The following PAAF1 variants were observed in gnomAD, a reference collection of about 807,000 sequenced individuals.
PAAF1 encodes the protein proteasomal ATPase associated factor 1.
In PAAF1, 46 loss-of-function variants were observed where a neutral mutation model predicts 52.8. The observed-to-expected ratio is 0.87, with a 90% CI of 0.69 to 1.11. PAAF1 has a LOEUF of 1.11. Ranked by LOEUF, PAAF1 falls within the 50% of genes most tolerant of loss-of-function variation. The probability of loss-of-function intolerance (pLI) is 0.00; values close to 1 mark genes in which losing one functional copy is unlikely to be tolerated. For missense variants in PAAF1, 424 were observed against 477.4 expected (o/e 0.89, Z 1.04); for synonymous variants, 178 against 172.8 (o/e 1.03, Z -0.24).
At chr11:73,907,729 C>T (rs1328994594) in intron 6 of PAAF1, among the ~76,000 whole-genome samples, 1 of 152,176 alleles carries the variant, frequency 6.6e-6, no homozygotes, top group Non-Finnish European at 1.5e-5. Flanking sequence ...TGTTCAGCCC[C>T]ACTGAAACCA....
chr11:73,902,142 A>G (rs899516180), intron 6 of PAAF1, among the ~76,000 whole-genome samples: 3 of 152,102 alleles, frequency 2.0e-5, no homozygotes, highest in African/African-American at 7.2e-5. Context: ...GATTACAGGT[A>G]TGAGCCACTG....
At chr11:73,902,351 G>C (rs1949645596) in intron 6 of PAAF1, among the ~76,000 whole-genome samples, 1 of 152,158 alleles carries the variant, frequency 6.6e-6, no homozygotes, top group South Asian at 2.1e-4. Context: ...ATCACCTCCT[G>C]AAGAACTGAG....
At chr11:73,892,286 G>A (rs946122820) in intron 4 of PAAF1, among the ~76,000 whole-genome samples, 2 of 144,270 alleles carry the variant, frequency 1.4e-5, no homozygotes, top group Non-Finnish European at 3.0e-5. Context: ...TCATGCCACT[G>A]CACTCCAGCC....
Position 73,918,961 on chromosome 11 carries a change from A to C in PAAF1, c.947A>C (p.Gln316Pro). 6.2e-7 allele frequency: 1 copy of C among 1,612,766 alleles called. No individual in the cohort carries two copies. Among genetic ancestry groups the C allele is most frequent in the African/African-American group, 1.3e-5 (1 of 74,972 alleles). Residue 316 changes from glutamine (Q) to proline (P), a missense_variant, in exon 10 of 12, where the codon CAA (glutamine) becomes CCA (proline). Physicochemically the swap from Gln to Pro is moderately conservative, Grantham distance 76. Transcript: ENST00000310571. ...TCTCTGAATCCTAGGGCTCCGGTAC[A>C]AGTCATCCACAGATCAGGAGCACCA... ...LDVRSPRAPVQVIHRSGAPVL... is the reference protein window; with the variant it reads ...LDVRSPRAPVPVIHRSGAPVL...
At chr11:73,889,640 G>A (rs946179191) in intron 3 of PAAF1, among the ~76,000 whole-genome samples, 2 of 152,204 alleles carry the variant, frequency 1.3e-5, no homozygotes, top group African/African-American at 4.8e-5. Flanking sequence ...AAGAAATGAA[G>A]TCTTCTGAGA....
At chr11:73,921,982 C>A in intron 10 of PAAF1, 2 of 849,912 alleles carry the variant, frequency 2.4e-6, no homozygotes, top group South Asian at 2.6e-5. Context: ...GACAGAGATA[C>A]GTATATCAAG....
At chr11:73,910,462 G>A (rs926878575) in intron 7 of PAAF1, among the ~76,000 whole-genome samples, 1 of 151,910 alleles carries the variant, frequency 6.6e-6, no homozygotes, top group Non-Finnish European at 1.5e-5. Context: ...AGATATGTTT[G>A]ACTGGGCTAG....
intron 2 of PAAF1, among the ~76,000 whole-genome samples, chr11:73,881,835 T>C (rs1948917014): frequency 6.6e-6 from 1 of 152,010 alleles, no homozygotes; most frequent in African/African-American, 2.4e-5. Flanking sequence ...GCCTCCCAAG[T>C]AGCTAGGACT....
At chr11:73,896,900 G>A (rs191944225) in intron 4 of PAAF1, among the ~76,000 whole-genome samples, 11,510 of 146,154 alleles carry the variant, frequency 0.079, 597 homozygotes, top group African/African-American at 0.16. Context: ...CTCACCTCCC[G>A]GACGGGGCGG....
rs1949565509 is a variant in PAAF1 at position 73,900,425 on chromosome 11, G to A, written c.532+5G>A. On this transcript the variant is annotated splice_donor_5th_base_variant and intron_variant, in intron 6 of 11. Coordinates refer to ENST00000310571, the MANE Select transcript of PAAF1 (RefSeq NM_025155.3). ...CCTTCAAAGGTCACAAAGGAGGTAT[G>A]AAGTGTGCTTTCTCCAAAAGGCTTC... 2 of 1,581,798 alleles carry A rather than the reference G, an allele frequency of 1.3e-6. No individual in the cohort carries two copies. Among genetic ancestry groups the A allele is most frequent in the Non-Finnish European group, 1.7e-6 (2 of 1,159,800 alleles).
chr11:73,907,713 ACCT>A (rs1949801042), intron 6 of PAAF1, among the ~76,000 whole-genome samples: 1 of 151,896 alleles, frequency 6.6e-6, no homozygotes, highest in African/African-American at 2.4e-5. Context: ...GTAGATGATC[ACCT>A]CCTGTTCAGC....
In PAAF1 at chr11:73,927,860, T is replaced by A. The variant is rs577896229; in HGVS notation, c.*498T>A. ...GCCTGCTTGGCAGTAGCAATAAATG[T>A]CCTGTAAGCTGCCACCTGGGAGAGA... On this transcript the variant is annotated 3_prime_UTR_variant, in exon 12 of 12. Coordinates refer to ENST00000310571, the MANE Select transcript of PAAF1 (RefSeq NM_025155.3). 6.4e-6 allele frequency: 1 copy of A among 155,502 alleles called. No individual in the cohort carries two copies. Among genetic ancestry groups the A allele is most frequent in the East Asian group, 1.9e-4 (1 of 5,254 alleles). The allele number at this position is 155,502 out of a possible 1,614,324, so 9.6% of individuals were successfully genotyped here.
intron 7 of PAAF1, among the ~76,000 whole-genome samples, chr11:73,913,332 C>T (rs968849914): frequency 6.6e-6 from 1 of 152,150 alleles, no homozygotes; most frequent in African/African-American, 2.4e-5. Flanking sequence ...TGGTAGCTCA[C>T]GCCCATAATC....
chr11:73,891,221 G>A lies in PAAF1; in HGVS notation c.282+20G>A. The stretch of plus-strand genomic sequence containing the variant: ...AAGAGTGTAAGTATTTTGATAAAAT[G>A]AAGAGAAAATGTAATAGCATGTTAA... On this transcript the variant is annotated intron_variant, in intron 4 of 11. Coordinates refer to ENST00000310571, the MANE Select transcript of PAAF1 (RefSeq NM_025155.3). The A allele has an allele frequency of 7.1e-7, 1 of 1,404,372 alleles. No homozygotes were observed. Among genetic ancestry groups the A allele is most frequent in the Non-Finnish European group, 1.0e-6 (1 of 1,002,378 alleles). 87.0% of individuals were successfully genotyped at this position (1,404,372 alleles called of 1,614,324 possible). A position where few individuals can be genotyped will look rare whatever the true frequency, so the allele number is the denominator to read the frequency against.
chr11:73,878,866 T>G (rs1268354587), intron 2 of PAAF1, 47 bp downstream of exon 2: 1 of 1,552,968 alleles, frequency 6.4e-7, no homozygotes, highest in African/African-American at 1.4e-5. Context: ...GGAGAAGGAT[T>G]AATACCCTTA....
At chr11:73,882,817 A>G (rs553833151) in intron 2 of PAAF1, among the ~76,000 whole-genome samples, 1 of 152,010 alleles carries the variant, frequency 6.6e-6, no homozygotes, top group South Asian at 2.1e-4. Context: ...GTTAAGCAGG[A>G]TGGTCTCGAA....
At chr11:73,889,579 C>T (rs980838887) in intron 3 of PAAF1, among the ~76,000 whole-genome samples, 16 of 152,190 alleles carry the variant, frequency 1.1e-4, no homozygotes, top group African/African-American at 3.6e-4. Flanking sequence ...ATTTGCAAGA[C>T]TGCAAAGTAG....
intron 9 of PAAF1, among the ~76,000 whole-genome samples, 173 bp downstream of exon 9, chr11:73,916,833 C>T (rs1950078050): frequency 6.6e-6 from 1 of 152,240 alleles, no homozygotes; most frequent in Non-Finnish European, 1.5e-5. Flanking sequence ...TTCCTGGACT[C>T]ATATTAAAAT....
At chr11:73,900,707 G>T (rs1340993558) in intron 6 of PAAF1, among the ~76,000 whole-genome samples, 2 of 152,158 alleles carry the variant, frequency 1.3e-5, no homozygotes, top group Non-Finnish European at 2.9e-5. Flanking sequence ...TTCTGGCCGG[G>T]CGCGGTGGCT....
Sources: gnomAD v4.1 joint callset for allele counts (sites outside exome capture counted in the v4.1 genomes callset) on GRCh38, gnomAD v4.1.1 for gene constraint, MANE v1.5 for transcripts, NCBI Gene and HGNC (gene_info 2026-07-23, HGNC 2026-07-21) for gene names.